Variants in STXBP5 observed in about 807,000 individuals in gnomAD.
STXBP5 encodes syntaxin-binding protein 5.
In STXBP5, 50 loss-of-function variants were observed where a neutral mutation model predicts 152.4. The ratio of observed to expected loss-of-function variants is 0.33; its 90% CI spans 0.26 to 0.42. The LOEUF is 0.42. Ranked by LOEUF, STXBP5 falls within the 10% of genes least tolerant of loss-of-function variation. The probability of loss-of-function intolerance (pLI) is 1.00; values close to 1 mark genes in which losing one functional copy is unlikely to be tolerated. For missense variants in STXBP5, 1,167 were observed against 1,388.6 expected (o/e 0.84, Z 2.54); for synonymous variants, 492 against 494.7 (o/e 0.99, Z 0.07).
chr6:147,303,781 G>T (rs1367516538), intron 9 of STXBP5, among the ~76,000 whole-genome samples: 1 of 152,212 alleles, frequency 6.6e-6, no homozygotes, highest in Non-Finnish European at 1.5e-5. Flanking sequence ...GTGAAGTCCA[G>T]GCTGGGGTGG....
chr6:147,207,025 G>A (rs1017891651), intron 2 of STXBP5, among the ~76,000 whole-genome samples: 4 of 151,752 alleles, frequency 2.6e-5, no homozygotes, highest in Admixed American at 2.0e-4. Context: ...GATGATTTCA[G>A]TAGACATTAC....
chr6:147,236,909 G>A (rs977157315), intron 3 of STXBP5, among the ~76,000 whole-genome samples: 33 of 151,780 alleles, frequency 2.2e-4, no homozygotes, highest in Middle Eastern at 3.4e-3. Context: ...CTCCTGAGTA[G>A]CTGGGACGAC....
rs761646605 is a variant in STXBP5 at position 147,363,574 on chromosome 6, C to A, written c.2785C>A (p.Pro929Thr). The change falls in exon 24 of 28, where the codon CCA becomes ACA. Residue 929 changes from proline to threonine, a missense_variant. Pro to Thr is a conservative substitution (Grantham distance 38). Coordinates refer to ENST00000321680, the MANE Select transcript of STXBP5 (RefSeq NM_001127715.4). ...AAAGCAAGCAAAAGTAATCTCACTGCCAACCCAGAACTGTGCTTATAAGCA... is the reference window on the plus strand; with the variant it reads ...AAAGCAAGCAAAAGTAATCTCACTGACAACCCAGAACTGTGCTTATAAGCA... ...SEKQAKVISL[P>T]TQNCAYKQNI... is the part of the protein sequence containing the mutation. 5 of 1,614,032 alleles carry A rather than the reference C, an allele frequency of 3.1e-6. No homozygotes were observed. In the African/African-American group the frequency reaches 6.7e-5, roughly 22 times the overall value.
intron 27 of STXBP5, 49 bp from the exon 28 acceptor site, chr6:147,384,665 A>G (rs759252776): frequency 3.2e-6 from 5 of 1,556,906 alleles, no homozygotes; most frequent in African/African-American, 1.4e-5. Flanking sequence ...TATAAATGTT[A>G]TTGTTCCGGC....
At chr6:147,233,508 G>A (rs1778108216) in intron 2 of STXBP5, among the ~76,000 whole-genome samples, 1 of 151,650 alleles carries the variant, frequency 6.6e-6, no homozygotes, top group Admixed American at 6.6e-5. Context: ...ATTTTCTACA[G>A]TAACTCACTT....
intron 8 of STXBP5, 125 bp downstream of exon 8, chr6:147,278,329 G>T: frequency 2.1e-6 from 2 of 963,848 alleles, no homozygotes; most frequent in Non-Finnish European, 2.9e-6. Context: ...CTGTTTTTAG[G>T]GAATTAAAAA....
intron 25 of STXBP5, among the ~76,000 whole-genome samples, chr6:147,367,871 T>G (rs1240653466): frequency 6.6e-6 from 1 of 152,084 alleles, no homozygotes; most frequent in Non-Finnish European, 1.5e-5. Flanking sequence ...GGATAAAAAG[T>G]GAATATTATG....
At chr6:147,272,192 G>C (rs995462165) in intron 7 of STXBP5, among the ~76,000 whole-genome samples, 1 of 152,074 alleles carries the variant, frequency 6.6e-6, no homozygotes, top group Non-Finnish European at 1.5e-5. Context: ...AATAATACCT[G>C]TTGTACTTAG....
intron 4 of STXBP5, among the ~76,000 whole-genome samples, chr6:147,253,321 T>C (rs1178116594): frequency 6.6e-6 from 1 of 152,104 alleles, no homozygotes; most frequent in Admixed American, 6.6e-5. Flanking sequence ...AAATAATGGC[T>C]ATTTATGAGA....
chr6:147,266,770 A>G (rs1779912765), intron 6 of STXBP5, among the ~76,000 whole-genome samples: 2 of 152,152 alleles, frequency 1.3e-5, no homozygotes, highest in South Asian at 4.1e-4. Context: ...ATTACCTCAT[A>G]GTGTGTAGAA....
intron 6 of STXBP5, among the ~76,000 whole-genome samples, chr6:147,264,584 A>G (rs1367740076): frequency 6.6e-6 from 1 of 152,086 alleles, no homozygotes; most frequent in Non-Finnish European, 1.5e-5. Flanking sequence ...GACTGGTTAT[A>G]TACGTTGTAG....
intron 25 of STXBP5, among the ~76,000 whole-genome samples, chr6:147,370,265 AC>A (rs1351555192): frequency 6.6e-6 from 1 of 152,128 alleles, no homozygotes; most frequent in Non-Finnish European, 1.5e-5. Flanking sequence ...AGAAGGTCGT[AC>A]AAAGGAGCAG....
chr6:147,276,142 T>C (rs995476373), intron 7 of STXBP5, among the ~76,000 whole-genome samples: 1 of 152,246 alleles, frequency 6.6e-6, no homozygotes, highest in African/African-American at 2.4e-5. Flanking sequence ...TTGTATGTTT[T>C]ATGCATGGTA....
At chr6:147,369,155 C>G (rs547480083) in intron 25 of STXBP5, among the ~76,000 whole-genome samples, 1 of 151,860 alleles carries the variant, frequency 6.6e-6, no homozygotes, top group Admixed American at 6.5e-5. Context: ...ATAGAATATC[C>G]AGAAATAAAC....
In STXBP5 at chr6:147,248,581, A is replaced by G. The variant is rs563188277; in HGVS notation, c.431+9311A>G. Among the ~76,000 whole-genome samples the G allele has an allele frequency of 2.7e-3, 417 of 152,238 alleles. 1 individual carries two copies. The highest frequency in any genetic ancestry group is 4.3e-3 in the Non-Finnish European group (293 of 68,012). On this transcript the variant is annotated intron_variant, in intron 4 of 27. Coordinates refer to ENST00000321680, the MANE Select transcript of STXBP5 (RefSeq NM_001127715.4). ...AGCTTCTCATAACTTACTGATGTGA[A>G]TTTTAAGTGTTGCAGTCATTTCGGA... is the stretch of plus-strand genomic sequence containing the variant.
chr6:147,237,190 T>C (rs1286846032), intron 3 of STXBP5, among the ~76,000 whole-genome samples: 1 of 152,218 alleles, frequency 6.6e-6, no homozygotes, highest in Non-Finnish European at 1.5e-5. Flanking sequence ...ATCTTAAATT[T>C]ATGCTATTTT....
At chr6:147,231,880 GA>G (rs1184496809) in intron 2 of STXBP5, among the ~76,000 whole-genome samples, 2 of 151,786 alleles carry the variant, frequency 1.3e-5, no homozygotes, top group Admixed American at 6.6e-5. Flanking sequence ...TGTGTGCAAG[GA>G]ATAATAATTA....
chr6:147,363,403 C>G lies in STXBP5; in HGVS notation c.2614C>G (p.Pro872Ala). Residue 872 changes from proline to alanine, a missense_variant, in exon 24 of 28, where the codon CCA (proline) becomes GCA (alanine). Coordinates refer to ENST00000321680, the MANE Select transcript of STXBP5 (RefSeq NM_001127715.4). Reference sequence around the variant, plus strand: ...TCTGGATACCACAGGCTGCTTAATACCACCTGCGTATGAACCCTGGAGAGA... The same window carrying G: ...TCTGGATACCACAGGCTGCTTAATAGCACCTGCGTATGAACCCTGGAGAGA... Reference protein sequence around the residue: ...AFLDTTGCLIPPAYEPWREHN... With the variant: ...AFLDTTGCLIAPAYEPWREHN... 1.2e-6 allele frequency: 2 copies of G among 1,613,986 alleles called. No individual in the cohort carries two copies. Among genetic ancestry groups the G allele is most frequent in the Non-Finnish European group, 1.7e-6 (2 of 1,179,976 alleles).
At chr6:147,378,629 C>T (rs746499073) in intron 26 of STXBP5, among the ~76,000 whole-genome samples, 5 of 151,772 alleles carry the variant, frequency 3.3e-5, no homozygotes, top group Non-Finnish European at 7.4e-5. Context: ...TACTATAATA[C>T]GAAACAGAAA....
Sources: gnomAD v4.1 joint callset for allele counts (sites outside exome capture counted in the v4.1 genomes callset) on GRCh38, gnomAD v4.1.1 for gene constraint, MANE v1.5 for transcripts, NCBI Gene and HGNC (gene_info 2026-07-23, HGNC 2026-07-21) for gene names.